The following TBX15 variants were observed in gnomAD, a reference collection of about 807,000 sequenced individuals.
TBX15 encodes T-box transcription factor TBX15.
In TBX15, 18 loss-of-function variants were observed where a neutral mutation model predicts 53.9. The ratio of observed to expected loss-of-function variants is 0.33; its 90% CI spans 0.23 to 0.49. The LOEUF (loss-of-function observed/expected upper bound fraction) is 0.49. TBX15 is among the 20% of genes least tolerant of loss of function. The pLI, the probability that TBX15 is intolerant of heterozygous loss-of-function variation, is 0.98. For synonymous variants in TBX15, 295 were observed against 278.0 expected (o/e 1.06, Z -0.61); for missense variants, 692 against 749.5 (o/e 0.92, Z 0.90).
chr1:118,906,308 A>G (rs1213623349), intron 6 of TBX15, among the ~76,000 whole-genome samples: 1 of 152,210 alleles, frequency 6.6e-6, no homozygotes, highest in Non-Finnish European at 1.5e-5. Flanking sequence ...CTCTATTAGC[A>G]AATTTTAACG....
intron 6 of TBX15, 80 bp from the exon 7 acceptor site, chr1:118,899,205 CT>C: frequency 7.8e-7 from 1 of 1,279,270 alleles, no homozygotes; most frequent in Admixed American, 1.9e-5. Context: ...CAGAGGTGGA[CT>C]GTCAAACAGG....
At chr1:118,974,093 T>C (rs1657340148) in intron 1 of TBX15, among the ~76,000 whole-genome samples, 1 of 152,318 alleles carries the variant, frequency 6.6e-6, no homozygotes, top group Non-Finnish European at 1.5e-5. Context: ...ATGTGATAGA[T>C]CTGATGGATG....
At chr1:118,945,590 A>G (rs974366104) in intron 1 of TBX15, among the ~76,000 whole-genome samples, 2 of 152,146 alleles carry the variant, frequency 1.3e-5, no homozygotes, top group East Asian at 3.9e-4. Flanking sequence ...AAAGGCATCA[A>G]CGTTTGGCCT....
intron 2 of TBX15, 84 bp from the exon 3 acceptor site, chr1:118,926,695 T>C: frequency 8.6e-7 from 1 of 1,163,656 alleles, no homozygotes; most frequent in South Asian, 1.3e-5. Flanking sequence ...GTGGGTTTTT[T>C]TGTTTGTTTG....
Position 118,885,057 on chromosome 1 carries a change from A to T in TBX15, c.1484T>A (p.Met495Lys), listed in dbSNP as rs752190348. ...CTGCTGCATGTGGCTGCCCCCGAAC[A>T]TGTGTGGTGATGAGGAGCTGGAGGC... ...NAASSSSSPH[M>K]FGGSHMQQSS... The change falls in exon 8 of 8, where the codon ATG becomes AAG. Residue 495 changes from methionine to lysine, a missense_variant. Transcript: ENST00000369429. 16 of 1,614,132 alleles carry T rather than the reference A, an allele frequency of 9.9e-6. No homozygotes were observed. The South Asian group carries it at 1.6e-4, about 17-fold the overall frequency.
chr1:118,895,199 C>T (rs1235808213), intron 7 of TBX15, among the ~76,000 whole-genome samples: 1 of 152,172 alleles, frequency 6.6e-6, no homozygotes, highest in Non-Finnish European at 1.5e-5. Context: ...AACTCTTTAA[C>T]TGCCTGACAA....
chr1:118,959,024 C>CAGAGAGAGAGAG (rs10563585), intron 1 of TBX15, among the ~76,000 whole-genome samples: 9,067 of 144,362 alleles, frequency 0.063, 362 homozygotes, highest in Non-Finnish European at 0.086. Context: ...GGTATAATAT[C>CAGAGAGAGAGAG]AGAGAGAGAG....
chr1:118,891,292 G>A (rs1174705959), intron 7 of TBX15, among the ~76,000 whole-genome samples: 1 of 152,182 alleles, frequency 6.6e-6, no homozygotes, highest in East Asian at 1.9e-4. Flanking sequence ...TGCTCTGAGT[G>A]TCTCCGCTTC....
intron 5 of TBX15, among the ~76,000 whole-genome samples, chr1:118,914,974 A>C (rs1655151377): frequency 6.6e-6 from 1 of 152,202 alleles, no homozygotes. Flanking sequence ...CACTCAATGC[A>C]TAAGTCCCCA....
intron 1 of TBX15, among the ~76,000 whole-genome samples, chr1:118,944,074 G>GT (rs1354029666): frequency 6.6e-6 from 1 of 152,144 alleles, no homozygotes; most frequent in Non-Finnish European, 1.5e-5. Context: ...ATCATTGAGT[G>GT]TTTTTATATT....
chr1:118,896,227 C>G (rs1020538479), intron 7 of TBX15, among the ~76,000 whole-genome samples: 5 of 152,090 alleles, frequency 3.3e-5, no homozygotes, highest in African/African-American at 1.2e-4. Context: ...GCCTCAGTTT[C>G]TTTTTTGTGT....
chr1:118,887,507 T>A (rs1245477451), intron 7 of TBX15, among the ~76,000 whole-genome samples: 1 of 152,092 alleles, frequency 6.6e-6, no homozygotes, highest in African/African-American at 2.4e-5. Context: ...AAACCCCGTC[T>A]CTACTAAAAA....
chr1:118,887,601 G>C (rs1653988481), intron 7 of TBX15, among the ~76,000 whole-genome samples: 1 of 152,036 alleles, frequency 6.6e-6, no homozygotes, highest in African/African-American at 2.4e-5. Context: ...CTTGAGCCCA[G>C]GAGGCGGAGG....
At chr1:118,948,288 G>A (rs562772231) in intron 1 of TBX15, among the ~76,000 whole-genome samples, 49 of 152,188 alleles carry the variant, frequency 3.2e-4, no homozygotes, top group Admixed American at 2.7e-3. Context: ...AGTCCACACC[G>A]AGAGATTGGC....
intron 2 of TBX15, among the ~76,000 whole-genome samples, chr1:118,928,192 A>G (rs890421612): frequency 5.3e-5 from 8 of 152,336 alleles, no homozygotes; most frequent in Non-Finnish European, 8.8e-5. Flanking sequence ...TGACATCATA[A>G]TCATATCTGA....
At chr1:118,948,406 C>T (rs1483820435) in intron 1 of TBX15, among the ~76,000 whole-genome samples, 1 of 152,094 alleles carries the variant, frequency 6.6e-6, no homozygotes, top group South Asian at 2.1e-4. Context: ...AATCCAATGG[C>T]AAAATGTTCC....
chr1:118,977,281 A>G (rs1248941800), intron 1 of TBX15, among the ~76,000 whole-genome samples: 1 of 152,224 alleles, frequency 6.6e-6, no homozygotes, highest in Non-Finnish European at 1.5e-5. Context: ...TATAATTGTT[A>G]TATACACATA....
intron 1 of TBX15, among the ~76,000 whole-genome samples, chr1:118,963,157 T>C (rs1656933090): frequency 6.6e-6 from 1 of 152,196 alleles, no homozygotes. Flanking sequence ...AAATAATCCA[T>C]GACAGACCTC....
chr1:118,883,122 T>G lies in TBX15; in HGVS notation c.*1610A>C, dbSNP rs1246709848. The G allele has an allele frequency of 6.6e-6, 1 of 152,616 alleles. No homozygotes were observed. The highest frequency in any genetic ancestry group is 2.4e-5 in the African/African-American group (1 of 41,448). 9.5% of individuals were successfully genotyped at this position (152,616 alleles called of 1,614,324 possible). On this transcript the variant is annotated 3_prime_UTR_variant, in exon 8 of 8. Coordinates refer to ENST00000369429, the MANE Select transcript of TBX15 (RefSeq NM_001330677.2). Reference sequence around the variant, plus strand: ...CAGAGTTCCGTGCATAAGGGCAAATTTTTGTACACCTTTTCTTCATACATA... The same window carrying G: ...CAGAGTTCCGTGCATAAGGGCAAATGTTTGTACACCTTTTCTTCATACATA...
Sources: gnomAD v4.1 joint callset for allele counts (sites outside exome capture counted in the v4.1 genomes callset) on GRCh38, gnomAD v4.1.1 for gene constraint, MANE v1.5 for transcripts, NCBI Gene and HGNC (gene_info 2026-07-23, HGNC 2026-07-21) for gene names.